The following TTC3 variants were observed in gnomAD, a reference collection of about 807,000 sequenced individuals.
TTC3 encodes E3 ubiquitin-protein ligase TTC3.
In TTC3, 180 loss-of-function variants were observed where a neutral mutation model predicts 249.6. The ratio of observed to expected loss-of-function variants is 0.72; its 90% CI spans 0.64 to 0.82. The LOEUF (loss-of-function observed/expected upper bound fraction) is 0.82, where lower values mean the gene tolerates loss of function less well. Ranked by LOEUF, TTC3 falls within the 40% of genes least tolerant of loss-of-function variation. TTC3 has a pLI of 0.00. For missense variants in TTC3, 2,061 were observed against 2,398.4 expected, an observed-to-expected ratio of 0.86 and a Z score of 2.94; for synonymous variants, 717 against 805.0, an observed-to-expected ratio of 0.89 and a Z score of 1.85.
chr21:37,133,699 T>C (rs1021908856), intron 17 of TTC3, among the ~76,000 whole-genome samples: 3 of 152,256 alleles, frequency 2.0e-5, no homozygotes, highest in Middle Eastern at 3.4e-3. Flanking sequence ...TTATGTCGTA[T>C]TGAGGGAAGT....
chr21:37,084,991 TCAAACAAA>T (rs71328551), intron 1 of TTC3, among the ~76,000 whole-genome samples: 2 of 151,356 alleles, frequency 1.3e-5, no homozygotes, highest in African/African-American at 4.9e-5. Flanking sequence ...AGACTGTGTC[TCAAACAAA>T]CAAACAAACA....
rs959194283 is a variant in TTC3, at chr21:37,112,511, T to C, written c.900+4065T>C. 9.6e-4 allele frequency among the ~76,000 whole-genome samples: 146 copies of C among 152,326 alleles called. 1 individual carries two copies. The highest frequency in any genetic ancestry group is 3.2e-3 in the African/African-American group (135 of 41,560). Reference sequence around the variant, plus strand: ...ACCAGGAAGAAGTTGAATCTCTGAATAGACCAATAACAGGCTCTGAAGTTG... The same window carrying C: ...ACCAGGAAGAAGTTGAATCTCTGAACAGACCAATAACAGGCTCTGAAGTTG... On this transcript the variant is annotated intron_variant, in intron 11 of 45. Transcript: ENST00000355666.
At chr21:37,088,769 A>G in intron 4 of TTC3, 30 bp from the exon 5 acceptor site, 1 of 1,579,626 alleles carries the variant, frequency 6.3e-7, no homozygotes, top group Non-Finnish European at 8.6e-7. Context: ...ATGAGAATCT[A>G]ATCTTTTAAA....
chr21:37,110,110 A>T (rs1022890879), intron 11 of TTC3, among the ~76,000 whole-genome samples: 2 of 152,364 alleles, frequency 1.3e-5, no homozygotes, highest in Middle Eastern at 3.4e-3. Context: ...GATGGGGAAA[A>T]AACAGAGCAG....
chr21:37,107,667 G>C (rs2075218295), intron 10 of TTC3: 1 of 152,170 alleles, frequency 6.6e-6, no homozygotes, highest in Non-Finnish European at 1.5e-5. Flanking sequence ...CCTAACCTGG[G>C]TCTTATGGTC....
intron 27 of TTC3, among the ~76,000 whole-genome samples, 193 bp from the exon 28 acceptor site, chr21:37,156,442 ATAGACAAGAATTATTATAAT>A (rs1297688957): frequency 1.3e-5 from 2 of 152,172 alleles, no homozygotes; most frequent in Non-Finnish European, 2.9e-5. Context: ...TTCAAATCTA[ATAGACAAGAATTATTATAAT>A]TAGCCTAACA....
In TTC3 at chr21:37,108,395, T is replaced by C. The variant is rs766692209; in HGVS notation, c.849T>C (p.Asn283=). 3 of 1,608,852 alleles carry C rather than the reference T, an allele frequency of 1.9e-6. No individual in the cohort carries two copies. In the South Asian group the frequency reaches 3.4e-5, roughly 18 times the overall value. The stretch of plus-strand genomic sequence containing the variant: ...AAATACTTGTTTTTCCTTTTAGAAA[T>C]GCACTCGGTGATGGAAAGAGAGCCA... The change falls in exon 11 of 46, where the codon AAT becomes AAC. Residue 283 remains asparagine, a synonymous_variant. Coordinates refer to ENST00000355666, the Ensembl canonical transcript of TTC3.
intron 1 of TTC3, 102 bp downstream of exon 1, chr21:37,073,575 G>A (rs1191990978): frequency 2.2e-6 from 2 of 897,518 alleles, no homozygotes; most frequent in Non-Finnish European, 2.7e-6. Context: ...GGCCGCCATT[G>A]CCTACCCCAG....
exon 18 of TTC3, chr21:37,135,441 T>C: frequency 6.2e-7 from 1 of 1,614,096 alleles, no homozygotes. Flanking sequence ...ATGGCCTTAT[T>C]GGAGCAGCGT....
chr21:37,200,367 C>T, intron 45 of TTC3, 43 bp downstream of exon 45: 3 of 1,551,434 alleles, frequency 1.9e-6, no homozygotes, highest in Non-Finnish European at 2.6e-6. Flanking sequence ...GCATTGGGAC[C>T]TTCAAATATT....
chr21:37,103,645 A>T (rs182305859), intron 10 of TTC3, among the ~76,000 whole-genome samples: 1 of 152,214 alleles, frequency 6.6e-6, no homozygotes, highest in African/African-American at 2.4e-5. Flanking sequence ...GCTATATATT[A>T]TAAGTAATGT....
At chr21:37,190,459 T>A (rs2083933440) in intron 39 of TTC3, among the ~76,000 whole-genome samples, 1 of 152,096 alleles carries the variant, frequency 6.6e-6, no homozygotes. Flanking sequence ...AGATTTAATT[T>A]TTTTTCATGA....
chr21:37,124,087 G>A (rs114840181), intron 13 of TTC3, among the ~76,000 whole-genome samples: 52 of 133,256 alleles, frequency 3.9e-4, no homozygotes, highest in African/African-American at 1.4e-3. Context: ...ATGTTAGAAC[G>A]CAGAATACTT....
chr21:37,198,722 CA>C (rs923985493), intron 44 of TTC3, among the ~76,000 whole-genome samples: 42 of 152,298 alleles, frequency 2.8e-4, no homozygotes, highest in African/African-American at 9.4e-4. Flanking sequence ...GCCCTGTAAT[CA>C]GTATTACCAC....
At chr21:37,097,910 A>G (rs781337715) in intron 10 of TTC3, 1 of 710,338 alleles carries the variant, frequency 1.4e-6, no homozygotes, top group South Asian at 1.5e-5. Context: ...TTTTATTGTA[A>G]ACAGAACACA....
chr21:37,141,478 G>A (rs1569032950), intron 20 of TTC3, among the ~76,000 whole-genome samples: 1 of 150,648 alleles, frequency 6.6e-6, no homozygotes, highest in African/African-American at 2.4e-5. Context: ...ATTAAAGAAA[G>A]TTTTTTTTTG....
intron 11 of TTC3, among the ~76,000 whole-genome samples, chr21:37,113,882 C>T (rs1012634712): frequency 6.6e-6 from 1 of 152,102 alleles, no homozygotes; most frequent in Middle Eastern, 3.2e-3. Flanking sequence ...GAAATAGTGC[C>T]ACATATCTAC....
chr21:37,076,525 G>A (rs955182424), intron 1 of TTC3, among the ~76,000 whole-genome samples: 20 of 152,004 alleles, frequency 1.3e-4, no homozygotes, highest in African/African-American at 4.1e-4. Flanking sequence ...ACATTCCATA[G>A]GTACTCTTTC....
chr21:37,174,071 G>A (rs1187016151), intron 35 of TTC3, among the ~76,000 whole-genome samples: 2 of 152,126 alleles, frequency 1.3e-5, no homozygotes, highest in South Asian at 2.1e-4. Flanking sequence ...GCATTCAGCC[G>A]GTGAGATATC....
Sources: gnomAD v4.1 joint callset for allele counts (sites outside exome capture counted in the v4.1 genomes callset) on GRCh38, gnomAD v4.1.1 for gene constraint, MANE v1.5 for transcripts, NCBI Gene and HGNC (gene_info 2026-07-23, HGNC 2026-07-21) for gene names.